Variants in KCNC2 observed in about 807,000 individuals in gnomAD.
KCNC2 encodes the protein potassium voltage-gated channel subfamily C member 2.
A neutral mutation model predicts 44.5 loss-of-function variants in KCNC2; 21 were observed. The observed-to-expected ratio is 0.47, with a 90% CI of 0.33 to 0.68. The LOEUF (loss-of-function observed/expected upper bound fraction) is 0.68, where lower values mean the gene tolerates loss of function less well. Among genes scored for constraint, KCNC2 ranks in the 30% least tolerant of loss-of-function variants. KCNC2 has a pLI of 0.01. For synonymous variants in KCNC2, 391 were observed against 339.1 expected (o/e 1.15, Z -1.68); for missense variants, 589 against 826.2 (o/e 0.71, Z 3.52).
chr12:75,137,921 C>G (rs1286244912), intron 2 of KCNC2, among the ~76,000 whole-genome samples: 1 of 152,112 alleles, frequency 6.6e-6, no homozygotes, highest in East Asian at 1.9e-4. Context: ...AATGAACATA[C>G]AGCATTGAGT....
intron 2 of KCNC2, among the ~76,000 whole-genome samples, chr12:75,141,694 G>A (rs1889665363): frequency 6.6e-6 from 1 of 152,032 alleles, no homozygotes; most frequent in African/African-American, 2.4e-5. Context: ...TAATGTTGTG[G>A]CTAATATAAA....
intron 2 of KCNC2, among the ~76,000 whole-genome samples, chr12:75,098,756 T>TTAAA (rs34518617): frequency 0.48 from 70,246 of 145,580 alleles, 17,823 homozygotes; most frequent in Non-Finnish European, 0.57. Context: ...AGACTCTGTC[T>TTAAA]TAAATAAATA....
chr12:75,111,653 T>C (rs1887255973), intron 2 of KCNC2, among the ~76,000 whole-genome samples: 1 of 151,934 alleles, frequency 6.6e-6, no homozygotes, highest in Admixed American at 6.6e-5. Flanking sequence ...TTTGACATTT[T>C]CATTAAGTAT....
At chr12:75,114,133 A>G (rs1887467531) in intron 2 of KCNC2, among the ~76,000 whole-genome samples, 1 of 152,192 alleles carries the variant, frequency 6.6e-6, no homozygotes, top group Non-Finnish European at 1.5e-5. Flanking sequence ...TTTGAAGTGG[A>G]ATGACTCTCA....
chr12:75,106,630 T>G (rs978955334), intron 2 of KCNC2, among the ~76,000 whole-genome samples: 5 of 152,124 alleles, frequency 3.3e-5, no homozygotes, highest in Non-Finnish European at 5.9e-5. Flanking sequence ...ATACACAGGT[T>G]TCTTCCAGAT....
chr12:75,150,831 G>A lies in KCNC2; in HGVS notation c.687+56466C>T, dbSNP rs779043928. Among the ~76,000 whole-genome samples, 66 of 151,426 alleles carry A rather than the reference G, an allele frequency of 4.4e-4. 1 individual carries two copies. The highest frequency in any genetic ancestry group is 8.7e-4 in the Non-Finnish European group (59 of 67,746). ...TCATAACTAGATTTTTCTTTATATC[G>A]TTGCAAGAATAAAATGAATGTTATT... On this transcript the variant is annotated intron_variant, in intron 2 of 4. Coordinates refer to ENST00000549446, the MANE Select transcript of KCNC2 (RefSeq NM_139137.4).
At chr12:75,088,962 T>C (rs1189651795) in intron 2 of KCNC2, among the ~76,000 whole-genome samples, 1 of 151,804 alleles carries the variant, frequency 6.6e-6, no homozygotes, top group Non-Finnish European at 1.5e-5. Context: ...CACAGCCCCA[T>C]AAAACAATGA....
chr12:75,124,364 G>C (rs1888253755), intron 2 of KCNC2, among the ~76,000 whole-genome samples: 1 of 152,158 alleles, frequency 6.6e-6, no homozygotes, highest in Non-Finnish European at 1.5e-5. Flanking sequence ...AAGGCCGATT[G>C]CAATAACAGG....
chr12:75,151,155 T>C (rs1890365919), intron 2 of KCNC2, among the ~76,000 whole-genome samples: 1 of 151,962 alleles, frequency 6.6e-6, no homozygotes, highest in Non-Finnish European at 1.5e-5. Flanking sequence ...AGAAAACTAA[T>C]AGAAAAACCT....
chr12:75,186,822 G>C (rs1436819600), intron 2 of KCNC2, among the ~76,000 whole-genome samples: 3 of 152,084 alleles, frequency 2.0e-5, no homozygotes, highest in Non-Finnish European at 4.4e-5. Flanking sequence ...CTCAAATGTT[G>C]TCTTAAATAA....
At position 75,137,533 on chromosome 12, in the gene KCNC2, G is replaced by C. The variant is rs540312937; in HGVS notation, c.687+69764C>G. ...AAACAAAATGGTTAAAAGAAATAATGACATAATCACATCCATTAAAAACAG... is the reference window on the plus strand; with the variant it reads ...AAACAAAATGGTTAAAAGAAATAATCACATAATCACATCCATTAAAAACAG... On this transcript the variant is annotated intron_variant, in intron 2 of 4. Transcript: ENST00000549446. Among the ~76,000 whole-genome samples, 7 of 152,140 alleles carry C rather than the reference G, an allele frequency of 4.6e-5. 1 individual carries two copies. The South Asian group carries it at 1.5e-3, about 32-fold the overall frequency.
chr12:75,055,163 C>T (rs1440733038), intron 2 of KCNC2, among the ~76,000 whole-genome samples: 2 of 151,722 alleles, frequency 1.3e-5, no homozygotes, highest in East Asian at 1.9e-4. Context: ...GCTCCTTGCA[C>T]GATTGTTACT....
In KCNC2 at chr12:75,207,204, A is replaced by C; in HGVS notation, c.687+93T>G. On this transcript the variant is annotated intron_variant, in intron 2 of 4. Transcript: ENST00000549446. The surrounding 1 kb of genome is among the most constrained non-coding windows in gnomAD (Gnocchi z 4.1). ...AAATCCCGGGTCTCTTCTACCCCCC[A>C]TGCCTGAGGCCCTGGGGTGGAAAAG... is the stretch of plus-strand genomic sequence containing the variant. 6.8e-7 allele frequency: 1 copy of C among 1,479,748 alleles called. No homozygotes were observed. The highest frequency in any genetic ancestry group is 9.0e-7 in the Non-Finnish European group (1 of 1,116,354). 91.7% of individuals were successfully genotyped at this position (1,479,748 alleles called of 1,614,324 possible). A position where few individuals can be genotyped will look rare whatever the true frequency, so the allele number is the denominator to read the frequency against.
chr12:75,147,942 T>C (rs369212716), intron 2 of KCNC2, among the ~76,000 whole-genome samples: 1 of 152,154 alleles, frequency 6.6e-6, no homozygotes, highest in East Asian at 1.9e-4. Flanking sequence ...TACAAATACA[T>C]TTAAATATCA....
At chr12:75,190,425 A>G (rs886297325) in intron 2 of KCNC2, among the ~76,000 whole-genome samples, 3 of 152,154 alleles carry the variant, frequency 2.0e-5, no homozygotes, top group Non-Finnish European at 2.9e-5. Context: ...GATGCTAACA[A>G]TCAAAGGTTA....
At chr12:75,206,368 C>T (rs552965568) in intron 2 of KCNC2, among the ~76,000 whole-genome samples, 1 of 152,254 alleles carries the variant, frequency 6.6e-6, no homozygotes, top group African/African-American at 2.4e-5. Context: ...TTCCTTTCAA[C>T]CAGAGAAATC....
chr12:75,197,362 C>T (rs1221670940), intron 2 of KCNC2, among the ~76,000 whole-genome samples: 1 of 151,916 alleles, frequency 6.6e-6, no homozygotes, highest in African/African-American at 2.4e-5. Flanking sequence ...TGATATTCCC[C>T]GTTAAGCCTT....
chr12:75,169,183 T>C (rs1891650866), intron 2 of KCNC2, among the ~76,000 whole-genome samples: 1 of 151,576 alleles, frequency 6.6e-6, no homozygotes, highest in Non-Finnish European at 1.5e-5. Context: ...CTAGTTGAGA[T>C]TGCCTTTGTC....
At chr12:75,113,897 G>A (rs1003359191) in intron 2 of KCNC2, among the ~76,000 whole-genome samples, 1 of 151,422 alleles carries the variant, frequency 6.6e-6, no homozygotes, top group Non-Finnish European at 1.5e-5. Flanking sequence ...TCTCTCCAGG[G>A]AAAAAAAAGA....
Sources: gnomAD v4.1 joint callset for allele counts (sites outside exome capture counted in the v4.1 genomes callset) on GRCh38, gnomAD v4.1.1 for gene constraint, Gnocchi (gnomAD v3.1) non-coding constraint, MANE v1.5 for transcripts, NCBI Gene and HGNC (gene_info 2026-07-23, HGNC 2026-07-21) for gene names.